Variants in LAMA1 observed in about 807,000 individuals in gnomAD.
LAMA1 encodes the protein laminin subunit alpha 1, also known as laminin subunit alpha-1.
In LAMA1, 219 loss-of-function variants were observed where a neutral mutation model predicts 348.7. That is an observed-to-expected ratio of 0.63 (90% confidence interval 0.56 to 0.70). The LOEUF (loss-of-function observed/expected upper bound fraction) is 0.70, where lower values mean the gene tolerates loss of function less well. Among genes scored for constraint, LAMA1 ranks in the 30% least tolerant of loss-of-function variants. LAMA1 has a pLI of 0.00. For missense variants in LAMA1, 3,744 were observed against 3,888.0 expected (o/e 0.96, Z 0.99); for synonymous variants, 1,487 against 1,491.0 (o/e 1.00, Z 0.06).
chr18:7,093,471 G>A (rs2058248075), intron 1 of LAMA1, among the ~76,000 whole-genome samples: 1 of 152,050 alleles, frequency 6.6e-6, no homozygotes, highest in Non-Finnish European at 1.5e-5. Flanking sequence ...TCTCAAGAGT[G>A]GCCAAAATAA....
chr18:7,116,546 A>C (rs2058357298), intron 1 of LAMA1, among the ~76,000 whole-genome samples: 1 of 152,108 alleles, frequency 6.6e-6, no homozygotes, highest in Non-Finnish European at 1.5e-5. Context: ...CAATGCCCAA[A>C]CACACGTTTC....
chr18:7,047,562 T>G (rs954910953), intron 5 of LAMA1, among the ~76,000 whole-genome samples: 1 of 152,186 alleles, frequency 6.6e-6, no homozygotes, highest in Non-Finnish European at 1.5e-5. Context: ...CTTAGCAGGC[T>G]TTATTTTTTT....
Position 7,106,146 on chromosome 18 carries a change from G to A in LAMA1, c.61+11514C>T, listed in dbSNP as rs1462781. Among the ~76,000 whole-genome samples the A allele has an allele frequency of 3.9e-4, 59 of 152,178 alleles. 1 individual carries two copies. Among genetic ancestry groups the A allele is most frequent in the Admixed American group, 3.3e-3 (50 of 15,278 alleles). On this transcript the variant is annotated intron_variant, in intron 1 of 62. Transcript: ENST00000389658. ...AAATGAGGAGAGTCAGTTGGGACCC[G>A]AGTATTCCACATCTGTTATGTACAG...
chr18:7,115,814 C>CAAAAAAA lies in LAMA1; in HGVS notation c.61+1839_61+1845dup, dbSNP rs557585224. Among the ~76,000 whole-genome samples, 188 of 94,798 alleles carry CAAAAAAA rather than the reference C, an allele frequency of 2.0e-3. 2 individuals carry two copies. Among genetic ancestry groups the CAAAAAAA allele is most frequent in the African/African-American group, 5.8e-3 (163 of 28,266 alleles). 62.2% of individuals were successfully genotyped at this position (94,798 alleles called of 152,430 possible). A position where few individuals can be genotyped will look rare whatever the true frequency, so the allele number is the denominator to read the frequency against. On this transcript the variant is annotated intron_variant, in intron 1 of 62. Coordinates refer to ENST00000389658, the MANE Select transcript of LAMA1 (RefSeq NM_005559.4). The stretch of plus-strand genomic sequence containing the variant: ...TGAAACCCTGTCTCCACTAAAAATA[C>CAAAAAAA]AAAAAAAAAAAAAAAAAAATAGCCG...
At chr18:7,081,868 A>G (rs935809872) in intron 1 of LAMA1, among the ~76,000 whole-genome samples, 4 of 152,220 alleles carry the variant, frequency 2.6e-5, no homozygotes, top group African/African-American at 9.6e-5. Context: ...TAAAAACCAT[A>G]TAGAAATACC....
At chr18:6,999,327 A>G in intron 32 of LAMA1, 118 bp downstream of exon 32, 1 of 1,011,396 alleles carries the variant, frequency 9.9e-7, no homozygotes, top group Non-Finnish European at 1.5e-6. Context: ...AAATAAGAAA[A>G]TGAAAATAAA....
chr18:7,007,884 G>C (rs984768686), intron 28 of LAMA1, among the ~76,000 whole-genome samples: 1 of 151,838 alleles, frequency 6.6e-6, no homozygotes, highest in African/African-American at 2.4e-5. Flanking sequence ...CAAGCCATTC[G>C]CAAAAAGACA....
chr18:6,951,053 G>A, intron 57 of LAMA1, 82 bp from the exon 58 acceptor site: 1 of 1,256,728 alleles, frequency 8.0e-7, no homozygotes, highest in Non-Finnish European at 1.1e-6. Context: ...CCCAACAATT[G>A]TTTCAGCGTT....
intron 1 of LAMA1, among the ~76,000 whole-genome samples, chr18:7,116,180 A>T (rs529606367): frequency 6.6e-6 from 1 of 152,344 alleles, no homozygotes; most frequent in East Asian, 1.9e-4. Context: ...CCAAGTGCCG[A>T]GCCCCGAGGG....
At position 7,026,871 on chromosome 18, in the gene LAMA1, C is replaced by T. The variant is rs537651990; in HGVS notation, c.2275-765G>A. On this transcript the variant is annotated intron_variant, in intron 16 of 62. Transcript: ENST00000389658. ...AATTAGCTGGGCTTGGTGGCGGGCG[C>T]CTGTAGTCCCAGCTACCTGGGAGGC... 2.7e-3 allele frequency among the ~76,000 whole-genome samples: 417 copies of T among 151,976 alleles called. 4 individuals carry two copies. The highest frequency in any genetic ancestry group is 9.4e-3 in the African/African-American group (390 of 41,466).
chr18:6,958,336 TAG>T (rs1178703901), intron 55 of LAMA1, 139 bp downstream of exon 55: 7 of 814,374 alleles, frequency 8.6e-6, no homozygotes, highest in Non-Finnish European at 1.4e-5. Flanking sequence ...ACTTACATGA[TAG>T]AACAATGGGG....
intron 59 of LAMA1, 59 bp from the exon 60 acceptor site, chr18:6,948,615 A>G (rs62081479): frequency 0.37 from 587,887 of 1,601,912 alleles, 113,153 homozygotes; most frequent in Non-Finnish European, 0.4. Flanking sequence ...GGGTTTGGAC[A>G]CATTTTCCTT....
In LAMA1 at chr18:7,025,996, G is replaced by A; in HGVS notation, c.2385C>T (p.Leu795=). ...PGDCQPCACP[L]TIASNNFSPT... ...AGGCTTACTTGTTGGAGGCTATGGTGAGAGGGCAGGCGCAGGGCTGGCAGT... is the reference window on the plus strand; with the variant it reads ...AGGCTTACTTGTTGGAGGCTATGGTAAGAGGGCAGGCGCAGGGCTGGCAGT... The change falls in exon 17 of 63, where the codon CTC becomes CTT. Residue 795 remains leucine, a synonymous_variant. Transcript: ENST00000389658. 1 of 1,608,672 alleles carries A rather than the reference G, an allele frequency of 6.2e-7. No homozygotes were observed. The highest frequency in any genetic ancestry group is 8.5e-7 in the Non-Finnish European group (1 of 1,177,566).
intron 9 of LAMA1, among the ~76,000 whole-genome samples, chr18:7,041,291 T>C (rs1198919047): frequency 6.6e-6 from 1 of 152,246 alleles, no homozygotes; most frequent in Non-Finnish European, 1.5e-5. Flanking sequence ...AAGTAATTTC[T>C]ATCTGCTATG....
At position 7,015,823 on chromosome 18, in the gene LAMA1, G is replaced by A. The variant is rs1178826075; in HGVS notation, c.3025C>T (p.Pro1009Ser). Residue 1009 changes from proline to serine, a missense_variant, in exon 22 of 63, where the codon CCA becomes TCA. By Grantham distance (74) the Pro-to-Ser change is moderately conservative (BLOSUM62 -1). This residue lies in a region of LAMA1 where 1,529 missense variants were observed against 1,689.4 expected (regional missense o/e 0.91). Transcript: ENST00000389658. ...GGGCAGACACACTCTCCAGTTTCTGGGTCGCAGGTATTCTGAGTGTGTGGG... is the reference window on the plus strand; with the variant it reads ...GGGCAGACACACTCTCCAGTTTCTGAGTCGCAGGTATTCTGAGTGTGTGGG... ...DCPHTQNTCD[P>S]ETGECVCPPH... is the part of the protein sequence containing the mutation. The A allele has an allele frequency of 1.2e-6, 2 of 1,614,072 alleles. No individual in the cohort carries two copies. Among genetic ancestry groups the A allele is most frequent in the Admixed American group, 1.7e-5 (1 of 60,004 alleles).
intron 42 of LAMA1, among the ~76,000 whole-genome samples, chr18:6,979,724 C>A (rs11663547): frequency 6.6e-6 from 1 of 151,368 alleles, no homozygotes. Context: ...ACGGTGAAAC[C>A]CCATCTCTAC....
At chr18:7,090,716 A>T (rs2058236515) in intron 1 of LAMA1, among the ~76,000 whole-genome samples, 1 of 147,190 alleles carries the variant, frequency 6.8e-6, no homozygotes, top group African/African-American at 2.5e-5. Flanking sequence ...AGAGAGAAGG[A>T]AGGGAGGGAG....
intron 1 of LAMA1, among the ~76,000 whole-genome samples, chr18:7,109,700 T>C (rs573083901): frequency 6.6e-6 from 1 of 152,096 alleles, no homozygotes; most frequent in Admixed American, 6.5e-5. Context: ...TGGAAGCTAA[T>C]AGTTCAGCTA....
At chr18:7,053,780 A>AT (rs371341214) in intron 3 of LAMA1, among the ~76,000 whole-genome samples, 5,510 of 138,254 alleles carry the variant, frequency 0.04, 153 homozygotes, top group Middle Eastern at 0.13. Flanking sequence ...TCATTAGAGG[A>AT]TTTTTTTTTT....
Sources: allele counts gnomAD v4.1 joint callset (sites outside exome capture counted in the v4.1 genomes callset), GRCh38; gene constraint gnomAD v4.1.1; regional missense constraint gnomAD v4.1.1; transcripts MANE v1.5; gene names NCBI Gene and HGNC (gene_info 2026-07-23, HGNC 2026-07-21).